NR3C1: variants seen among roughly 807,000 people sequenced by gnomAD.
NR3C1 encodes the protein glucocorticoid receptor.
Under a neutral mutation model 74.0 loss-of-function variants are expected in NR3C1, and 14 were observed. The observed-to-expected ratio is 0.19, with a 90% CI of 0.12 to 0.30. The LOEUF (loss-of-function observed/expected upper bound fraction) is 0.30, where lower values mean the gene tolerates loss of function less well. Among genes scored for constraint, NR3C1 ranks in the 10% least tolerant of loss-of-function variants. The pLI is 1.00. For synonymous variants in NR3C1, 308 were observed against 332.5 expected, an observed-to-expected ratio of 0.93 and a Z score of 0.80; for missense variants, 695 against 909.8, an observed-to-expected ratio of 0.76 and a Z score of 3.04.
rs1812659909 is a variant in NR3C1, at chr5:143,278,520, A to T, written c.*3369T>A. The T allele has an allele frequency of 6.6e-6, 1 of 152,026 alleles. No homozygotes were observed. The highest frequency in any genetic ancestry group is 1.5e-5 in the Non-Finnish European group (1 of 67,990). 9.4% of individuals were successfully genotyped at this position (152,026 alleles called of 1,614,324 possible). ...ATAGTCTGGGAAATTACGAAACTCC[A>T]CCCAAAGGGTTTAAAGTGTCCTCCT... On this transcript the variant is annotated 3_prime_UTR_variant, in exon 9 of 9. Coordinates refer to ENST00000394464, the MANE Select transcript of NR3C1 (RefSeq NM_000176.3).
At chr5:143,306,613 G>A (rs1819647178) in intron 4 of NR3C1, among the ~76,000 whole-genome samples, 1 of 152,048 alleles carries the variant, frequency 6.6e-6, no homozygotes, top group Admixed American at 6.5e-5. Context: ...ACATATCATA[G>A]TAGGAAATAA....
chr5:143,302,540 A>T (rs1431831769), intron 4 of NR3C1, among the ~76,000 whole-genome samples: 1 of 152,096 alleles, frequency 6.6e-6, no homozygotes, highest in Non-Finnish European at 1.5e-5. Flanking sequence ...AATGGTTTGG[A>T]ATGCATATTT....
chr5:143,336,500 GA>G (rs889957547), intron 2 of NR3C1, among the ~76,000 whole-genome samples: 6 of 151,920 alleles, frequency 3.9e-5, no homozygotes, highest in African/African-American at 9.7e-5. Context: ...TAATTATTAT[GA>G]AAAAAAATTC....
At chr5:143,365,102 TA>T (rs1832958099) in intron 2 of NR3C1, among the ~76,000 whole-genome samples, 1 of 151,976 alleles carries the variant, frequency 6.6e-6, no homozygotes, top group Non-Finnish European at 1.5e-5. Flanking sequence ...TTAAAATCGT[TA>T]CACTAGAAAA....
At chr5:143,304,258 A>G (rs997587473) in intron 4 of NR3C1, among the ~76,000 whole-genome samples, 2 of 152,172 alleles carry the variant, frequency 1.3e-5, no homozygotes, top group African/African-American at 4.8e-5. Flanking sequence ...TAGCATTTCT[A>G]TACACCAGTA....
chr5:143,368,416 C>CGATA, intron 2 of NR3C1, among the ~76,000 whole-genome samples: 1 of 152,080 alleles, frequency 6.6e-6, no homozygotes, highest in Non-Finnish European at 1.5e-5. Context: ...TCAAATGACA[C>CGATA]TATCAAGAAG....
At chr5:143,358,639 C>T (rs560329340) in intron 2 of NR3C1, among the ~76,000 whole-genome samples, 12 of 152,266 alleles carry the variant, frequency 7.9e-5, no homozygotes, top group South Asian at 4.1e-4. Flanking sequence ...CGGTGGCTCA[C>T]GCCTGTAATC....
chr5:143,434,929 G>C, exon 1 of NR3C1: 1 of 985,248 alleles, frequency 1.0e-6, no homozygotes, highest in Non-Finnish European at 1.2e-6. Flanking sequence ...GAAAATTTCA[G>C]ATCAGAAGAT....
intron 2 of NR3C1, among the ~76,000 whole-genome samples, chr5:143,319,739 A>T (rs1224936400): frequency 6.6e-6 from 1 of 152,080 alleles, no homozygotes; most frequent in Non-Finnish European, 1.5e-5. Context: ...CCAGCTTCAA[A>T]TGTCAATAAT....
chr5:143,365,479 C>T (rs1324427666), intron 2 of NR3C1, among the ~76,000 whole-genome samples: 1 of 152,164 alleles, frequency 6.6e-6, no homozygotes, highest in Non-Finnish European at 1.5e-5. Context: ...ATATAATAAT[C>T]ATAAACTTAC....
chr5:143,294,487 C>T (rs1020671766), intron 7 of NR3C1: 13 of 204,106 alleles, frequency 6.4e-5, no homozygotes, highest in Admixed American at 2.6e-4. Flanking sequence ...TCCTGTCCCA[C>T]ACATCATCAC....
At chr5:143,344,587 T>C (rs1474201901) in intron 2 of NR3C1, among the ~76,000 whole-genome samples, 1 of 151,994 alleles carries the variant, frequency 6.6e-6, no homozygotes, top group Non-Finnish European at 1.5e-5. Context: ...AAAAAAATGA[T>C]GCTGACTGGG....
At chr5:143,402,678 T>C in intron 1 of NR3C1, 1 of 985,418 alleles carries the variant, frequency 1.0e-6, no homozygotes, top group South Asian at 4.7e-5. Flanking sequence ...AGTTGCGGGC[T>C]GTCAGCCCCC....
chr5:143,284,303 T>C (rs1450004488), intron 7 of NR3C1, among the ~76,000 whole-genome samples: 6 of 152,088 alleles, frequency 3.9e-5, no homozygotes, highest in Non-Finnish European at 7.3e-5. Context: ...CTTGAGCATC[T>C]TTCCTGCTCT....
chr5:143,294,936 G>GT, intron 7 of NR3C1: 1 of 985,256 alleles, frequency 1.0e-6, no homozygotes, highest in Non-Finnish European at 1.2e-6. Context: ...ACAGAAGTTC[G>GT]TTTTATAAAC....
intron 2 of NR3C1, among the ~76,000 whole-genome samples, chr5:143,376,369 C>A (rs1053781134): frequency 5.9e-5 from 9 of 152,220 alleles, no homozygotes; most frequent in Admixed American, 5.2e-4. Context: ...ACATTCAGAG[C>A]ACCTCTTTAC....
At chr5:143,428,133 G>A (rs1461781597) in intron 1 of NR3C1, among the ~76,000 whole-genome samples, 4 of 152,138 alleles carry the variant, frequency 2.6e-5, no homozygotes, top group South Asian at 2.1e-4. Flanking sequence ...ACTTACAGGC[G>A]AATAGATTCA....
intron 2 of NR3C1, among the ~76,000 whole-genome samples, chr5:143,332,162 A>G (rs942256876): frequency 2.6e-5 from 4 of 152,202 alleles, no homozygotes; most frequent in South Asian, 2.1e-4. Context: ...TTGCTGATAA[A>G]TGATTCACAT....
At chr5:143,363,773 T>A (rs868308297) in intron 2 of NR3C1, among the ~76,000 whole-genome samples, 1 of 151,826 alleles carries the variant, frequency 6.6e-6, no homozygotes, top group East Asian at 1.9e-4. Context: ...TAGAAAAAAA[T>A]TCATCTCACA....
Sources: gnomAD v4.1 joint callset for allele counts (sites outside exome capture counted in the v4.1 genomes callset) on GRCh38, gnomAD v4.1.1 for gene constraint, MANE v1.5 for transcripts, NCBI Gene and HGNC (gene_info 2026-07-23, HGNC 2026-07-21) for gene names.